The following MRPL15 variants were observed in gnomAD, a reference collection of about 807,000 sequenced individuals.
MRPL15 encodes the protein mitochondrial ribosomal protein L15, also known as large ribosomal subunit protein uL15m.
MRPL15 carries 24 observed loss-of-function variants against 28.0 expected under a neutral mutation model. That is an observed-to-expected ratio of 0.86 (90% CI 0.62 to 1.21). The LOEUF (loss-of-function observed/expected upper bound fraction) is 1.21, where lower values mean the gene tolerates loss of function less well. MRPL15 is among the 50% of genes most tolerant of loss of function. The pLI is 0.00. For synonymous variants in MRPL15, 124 were observed against 137.0 expected (o/e 0.90, Z 0.66); for missense variants, 343 against 372.4 (o/e 0.92, Z 0.65).
At chr8:54,140,286 C>A (rs1037734728) in intron 3 of MRPL15, among the ~76,000 whole-genome samples, 1 of 151,978 alleles carries the variant, frequency 6.6e-6, no homozygotes, top group Non-Finnish European at 1.5e-5. Flanking sequence ...GAGATGGAGT[C>A]TCGCTCTGTT....
rs777361526 is a variant in MRPL15, at chr8:54,148,015, C to T, written c.*296C>T. 3.5e-5 allele frequency: 10 copies of T among 285,366 alleles called. No homozygotes were observed. Among genetic ancestry groups the T allele is most frequent in the Non-Finnish European group, 6.0e-5 (9 of 150,566 alleles). The allele number at this position is 285,366 out of a possible 1,614,324, so 17.7% of individuals were successfully genotyped here. Reference sequence around the variant, plus strand: ...TTGTTTTTTCAGTGATCTTTTCATCCAGGCCTTGTTACTGTTACAGATCAG... The same window carrying T: ...TTGTTTTTTCAGTGATCTTTTCATCTAGGCCTTGTTACTGTTACAGATCAG... On this transcript the variant is annotated 3_prime_UTR_variant, in exon 5 of 5. Transcript: ENST00000260102.
intron 1 of MRPL15, among the ~76,000 whole-genome samples, 179 bp downstream of exon 1, chr8:54,135,570 CTT>C (rs537299219): frequency 5.1e-5 from 6 of 116,904 alleles, no homozygotes; most frequent in African/African-American, 8.9e-5. Flanking sequence ...GCACCCAGTT[CTT>C]TTTTTTTTTT....
intron 4 of MRPL15, 128 bp downstream of exon 4, chr8:54,142,914 A>G (rs1203141878): frequency 1.6e-6 from 2 of 1,283,704 alleles, no homozygotes; most frequent in African/African-American, 3.0e-5. Context: ...CATCTACCAT[A>G]TGGATTATTA....
At chr8:54,138,374 T>C (rs929223087) in intron 3 of MRPL15, among the ~76,000 whole-genome samples, 38 of 134,356 alleles carry the variant, frequency 2.8e-4, no homozygotes, top group African/African-American at 1.0e-3. Flanking sequence ...TGGAGTACAA[T>C]GGCGCGATCT....
At chr8:54,138,522 T>A (rs1300335723) in intron 3 of MRPL15, among the ~76,000 whole-genome samples, 1 of 151,506 alleles carries the variant, frequency 6.6e-6, no homozygotes, top group Non-Finnish European at 1.5e-5. Context: ...TTTTGCTATG[T>A]TGGCCAGGCT....
At position 54,139,045 on chromosome 8, in the gene MRPL15, G is replaced by T. The variant is rs1180600743; in HGVS notation, c.429+1612G>T. On this transcript the variant is annotated intron_variant, in intron 3 of 4. Coordinates refer to ENST00000260102, the MANE Select transcript of MRPL15 (RefSeq NM_014175.4). ...GATGGAGTCTCACTCTGTCACCCAGGCTGGAGTGCAGTGGCACGATCTCGG... is the reference window on the plus strand; with the variant it reads ...GATGGAGTCTCACTCTGTCACCCAGTCTGGAGTGCAGTGGCACGATCTCGG... 5.9e-5 allele frequency among the ~76,000 whole-genome samples: 9 copies of T among 152,122 alleles called. No individual in the cohort carries two copies. In the East Asian group the frequency reaches 1.7e-3, roughly 29 times the overall value.
At chr8:54,141,092 C>T (rs763686729) in intron 3 of MRPL15, among the ~76,000 whole-genome samples, 6 of 152,158 alleles carry the variant, frequency 3.9e-5, no homozygotes, top group Non-Finnish European at 8.8e-5. Context: ...CCTGTTTAAC[C>T]TCCTGCTGGC....
rs1191575607 is a variant in MRPL15 at position 54,136,518 on chromosome 8, G to A, written c.116G>A (p.Arg39Lys). 2.5e-6 allele frequency: 4 copies of A among 1,611,654 alleles called. No individual in the cohort carries two copies. Among genetic ancestry groups the A allele is most frequent in the Non-Finnish European group, 2.5e-6 (3 of 1,179,228 alleles). Reference sequence around the variant, plus strand: ...TCTTTTTTTTCCTTGCAGGAGAGAAGACCAAGAGGTCGGAGAAGAGGTAGA... The same window carrying A: ...TCTTTTTTTTCCTTGCAGGAGAGAAAACCAAGAGGTCGGAGAAGAGGTAGA... ...PNPGSKKPER[R>K]PRGRRRGRKC... Residue 39 changes from arginine (R) to lysine (K), a missense_variant, in exon 2 of 5, where the codon AGA (arginine) becomes AAA (lysine). Physicochemically the swap from Arg to Lys is conservative, Grantham distance 26. Coordinates refer to ENST00000260102, the MANE Select transcript of MRPL15 (RefSeq NM_014175.4).
intron 3 of MRPL15, among the ~76,000 whole-genome samples, chr8:54,142,101 G>A (rs1240930795): frequency 1.3e-5 from 2 of 151,950 alleles, no homozygotes; most frequent in African/African-American, 4.8e-5. Context: ...TTCCTGCCTT[G>A]GCCTCCCAAA....
intron 4 of MRPL15, among the ~76,000 whole-genome samples, chr8:54,143,624 C>G (rs1266556621): frequency 6.6e-6 from 1 of 152,166 alleles, no homozygotes; most frequent in African/African-American, 2.4e-5. Context: ...TTGCTTCCAT[C>G]TGCAGTGGAG....
chr8:54,144,312 C>T (rs1810980661), intron 4 of MRPL15, among the ~76,000 whole-genome samples: 1 of 152,078 alleles, frequency 6.6e-6, no homozygotes, highest in South Asian at 2.1e-4. Flanking sequence ...CTTTTACATT[C>T]AAATGGGAGT....
At position 54,147,383 on chromosome 8, in the gene MRPL15, C is replaced by T. The variant is rs757230159; in HGVS notation, c.555C>T (p.Asp185=). 4.5e-5 allele frequency: 71 copies of T among 1,593,598 alleles called. No homozygotes were observed. The highest frequency in any genetic ancestry group is 5.9e-5 in the Non-Finnish European group (69 of 1,169,996). The part of the protein sequence containing the change: ...TTAFYDPRSL[D]IVCKPVPFFL... Reference sequence around the variant, plus strand: ...TTTTAAATTTAAATTTTCTTTTAGACATTGTATGCAAACCTGTTCCATTCT... The same window carrying T: ...TTTTAAATTTAAATTTTCTTTTAGATATTGTATGCAAACCTGTTCCATTCT... Residue 185 remains aspartate, a splice_region_variant and synonymous_variant, in exon 5 of 5, where the codon GAC becomes GAT. Transcript: ENST00000260102.
In MRPL15 at chr8:54,147,444, C is replaced by G. The variant is rs1811062559; in HGVS notation, c.616C>G (p.Pro206Ala). ...ACAACCCATTCCAAAAAGAATGCTT[C>G]CACCAGAAGAACTGGTACCATATTA... ...RGQPIPKRML[P>A]PEELVPYYTD... Residue 206 changes from proline (P) to alanine (A), a missense_variant, in exon 5 of 5, where the codon CCA becomes GCA. Coordinates refer to ENST00000260102, the MANE Select transcript of MRPL15 (RefSeq NM_014175.4). 4 of 1,613,942 alleles carry G rather than the reference C, an allele frequency of 2.5e-6. No homozygotes were observed.
intron 4 of MRPL15, among the ~76,000 whole-genome samples, chr8:54,143,086 T>C (rs754946485): frequency 4.6e-5 from 7 of 151,742 alleles, no homozygotes; most frequent in African/African-American, 1.2e-4. Context: ...CTCTTTTCTC[T>C]CTTTTTTTTT....
intron 3 of MRPL15, among the ~76,000 whole-genome samples, chr8:54,141,546 A>T (rs1810926116): frequency 6.6e-6 from 1 of 152,188 alleles, no homozygotes; most frequent in Non-Finnish European, 1.5e-5. Context: ...AAATGTTAAA[A>T]AAAAAGTGAT....
At chr8:54,146,434 G>A (rs1340698905) in intron 4 of MRPL15, among the ~76,000 whole-genome samples, 4 of 147,382 alleles carry the variant, frequency 2.7e-5, no homozygotes, top group African/African-American at 7.5e-5. Context: ...GCGACAGAGC[G>A]AGACTTTGTC....
rs894968475 is a variant in MRPL15 at position 54,142,695 on chromosome 8, T to C, written c.462T>C (p.Ile154=). 9 of 1,614,038 alleles carry C rather than the reference T, an allele frequency of 5.6e-6. No homozygotes were observed. The African/African-American group carries it at 1.2e-4, about 22-fold the overall frequency. The change falls in exon 4 of 5, where the codon ATT becomes ATC. Residue 154 remains isoleucine (I), a synonymous_variant. Transcript: ENST00000260102. ...ACACCTTTACGGCAAAAGTTAATAT[T>C]GAAGTACAGTTGGCTTCAGAACTAG... ...GADTFTAKVN[I]EVQLASELAI... is the part of the protein sequence containing the mutation.
chr8:54,147,658 T>C lies in MRPL15; in HGVS notation c.830T>C (p.Met277Thr), dbSNP rs1425859077. 6.2e-7 allele frequency: 1 copy of C among 1,614,120 alleles called. No individual in the cohort carries two copies. ...CTTGCTCCAGGATGGGTGGTGAATATGGCCGATAAGAAAATCCTAAAACCT... is the reference window on the plus strand; with the variant it reads ...CTTGCTCCAGGATGGGTGGTGAATACGGCCGATAAGAAAATCCTAAAACCT... ...FGLAPGWVVN[M>T]ADKKILKPTD... The change falls in exon 5 of 5, where the codon ATG (methionine) becomes ACG (threonine). Residue 277 changes from methionine (M) to threonine (T), a missense_variant. By Grantham distance (81) the Met-to-Thr change is moderately conservative (BLOSUM62 -1). Coordinates refer to ENST00000260102, the MANE Select transcript of MRPL15 (RefSeq NM_014175.4).
At chr8:54,145,982 C>T (rs1196176789) in intron 4 of MRPL15, among the ~76,000 whole-genome samples, 1 of 152,146 alleles carries the variant, frequency 6.6e-6, no homozygotes, top group Non-Finnish European at 1.5e-5. Flanking sequence ...GCCTGGAGTA[C>T]CTCCTAATCA....
Sources: gnomAD v4.1 joint callset for allele counts (sites outside exome capture counted in the v4.1 genomes callset) on GRCh38, gnomAD v4.1.1 for gene constraint, MANE v1.5 for transcripts, NCBI Gene and HGNC (gene_info 2026-07-23, HGNC 2026-07-21) for gene names.